Variants in LDB2 observed in about 807,000 individuals in gnomAD.
The protein encoded by LDB2 is LIM domain binding 2.
A neutral mutation model predicts 44.3 loss-of-function variants in LDB2; 12 were observed. The ratio of observed to expected loss-of-function variants is 0.27; its 90% confidence interval spans 0.17 to 0.44. The LOEUF is 0.44. Among genes scored for constraint, LDB2 ranks in the 20% least tolerant of loss-of-function variants. The pLI is 1.00. For missense variants in LDB2, 344 were observed against 473.5 expected (o/e 0.73, Z 2.54); for synonymous variants, 164 against 174.8 (o/e 0.94, Z 0.49).
intron 6 of LDB2, among the ~76,000 whole-genome samples, chr4:16,511,747 CCTCT>C (rs370773593): frequency 9.9e-5 from 15 of 152,184 alleles, no homozygotes; most frequent in African/African-American, 3.6e-4. Flanking sequence ...CGTTATTTTA[CCTCT>C]CTGAGTTGCA....
intron 1 of LDB2, among the ~76,000 whole-genome samples, chr4:16,852,492 T>C (rs1211502455): frequency 6.6e-6 from 1 of 152,184 alleles, no homozygotes; most frequent in African/African-American, 2.4e-5. Context: ...TGGAGGATCA[T>C]CTGGACAAAA....
chr4:16,651,533 T>C (rs2152525025), intron 2 of LDB2, among the ~76,000 whole-genome samples: 1 of 152,242 alleles, frequency 6.6e-6, no homozygotes, highest in Middle Eastern at 3.4e-3. Flanking sequence ...ACGGCTAGAC[T>C]GAGATGCCTC....
chr4:16,876,392 G>A (rs1334797231), intron 1 of LDB2, among the ~76,000 whole-genome samples: 1 of 152,190 alleles, frequency 6.6e-6, no homozygotes, highest in African/African-American at 2.4e-5. Flanking sequence ...ATATAAAAGA[G>A]TTACGGCAGC....
intron 1 of LDB2, among the ~76,000 whole-genome samples, chr4:16,801,530 A>C (rs1777821551): frequency 6.6e-6 from 1 of 152,190 alleles, no homozygotes; most frequent in South Asian, 2.1e-4. Flanking sequence ...ACATTTTCTT[A>C]GGAAAACACT....
At chr4:16,781,848 A>T (rs550371579) in intron 1 of LDB2, among the ~76,000 whole-genome samples, 2 of 152,240 alleles carry the variant, frequency 1.3e-5, no homozygotes, top group South Asian at 4.2e-4. Context: ...GCAGAGAGAG[A>T]CCCCCAAGCC....
chr4:16,614,797 G>A (rs555072571), intron 2 of LDB2, among the ~76,000 whole-genome samples: 8 of 151,862 alleles, frequency 5.3e-5, no homozygotes, highest in South Asian at 2.1e-4. Flanking sequence ...ACGGCCGGGC[G>A]CGGTGGCTCA....
At chr4:16,716,113 A>G (rs2152672215) in intron 2 of LDB2, among the ~76,000 whole-genome samples, 1 of 152,332 alleles carries the variant, frequency 6.6e-6, no homozygotes, top group African/African-American at 2.4e-5. Flanking sequence ...GAGAGTAACA[A>G]TCATAAAGAA....
rs369892338 is a variant in LDB2, at chr4:16,620,623, T to G, written c.236-24748A>C. On this transcript the variant is annotated intron_variant, in intron 2 of 7. Transcript: ENST00000304523. ...GGGGAATGTGGGGAGGTGAGAAGGGTGATGAAATCTTATCAGAGAGCTTGA... is the reference window on the plus strand; with the variant it reads ...GGGGAATGTGGGGAGGTGAGAAGGGGGATGAAATCTTATCAGAGAGCTTGA... 7.9e-5 allele frequency among the ~76,000 whole-genome samples: 12 copies of G among 152,260 alleles called. No individual in the cohort carries two copies. The East Asian group carries it at 2.1e-3, about 27-fold the overall frequency.
At chr4:16,534,830 A>G (rs1731228318) in intron 5 of LDB2, among the ~76,000 whole-genome samples, 1 of 152,164 alleles carries the variant, frequency 6.6e-6, no homozygotes. Context: ...CACTTTTTCC[A>G]TCATAAAGAC....
At chr4:16,745,831 A>G (rs552965747) in intron 2 of LDB2, among the ~76,000 whole-genome samples, 18 of 152,172 alleles carry the variant, frequency 1.2e-4, no homozygotes, top group African/African-American at 4.1e-4. Context: ...TCCAGGATCC[A>G]GAGTAAGACA....
chr4:16,605,776 G>A (rs928584327), intron 2 of LDB2, among the ~76,000 whole-genome samples: 2 of 152,186 alleles, frequency 1.3e-5, no homozygotes, highest in African/African-American at 4.8e-5. Context: ...TGAAGACACA[G>A]TGGGCAGATT....
chr4:16,537,978 T>C (rs1732434542), intron 5 of LDB2, among the ~76,000 whole-genome samples: 1 of 152,230 alleles, frequency 6.6e-6, no homozygotes, highest in African/African-American at 2.4e-5. Flanking sequence ...TACATTTATA[T>C]TGTACTGCTT....
At chr4:16,883,272 A>G (rs1364123026) in intron 1 of LDB2, among the ~76,000 whole-genome samples, 2 of 152,260 alleles carry the variant, frequency 1.3e-5, no homozygotes, top group African/African-American at 4.8e-5. Flanking sequence ...TCAGCAGTCC[A>G]TCTAACTGGG....
chr4:16,677,526 A>T (rs988277726), intron 2 of LDB2, among the ~76,000 whole-genome samples: 4 of 152,274 alleles, frequency 2.6e-5, no homozygotes, highest in South Asian at 4.1e-4. Flanking sequence ...CCACATTCAG[A>T]GCTTCAACCT....
intron 2 of LDB2, among the ~76,000 whole-genome samples, chr4:16,633,832 C>T (rs1203447820): frequency 1.3e-5 from 2 of 152,022 alleles, no homozygotes; most frequent in South Asian, 4.2e-4. Context: ...AGAACAAAGC[C>T]GGAGGCATCA....
chr4:16,505,830 GAC>G, intron 7 of LDB2: 1 of 1,538,512 alleles, frequency 6.5e-7, no homozygotes, highest in Non-Finnish European at 8.8e-7. Context: ...CCCGTGCAAA[GAC>G]CACCAACCTC....
chr4:16,854,146 C>T (rs1410223776), intron 1 of LDB2, among the ~76,000 whole-genome samples: 2 of 151,154 alleles, frequency 1.3e-5, no homozygotes, highest in African/African-American at 4.9e-5. Flanking sequence ...CTGCTCTTGC[C>T]AGAAAAAAAC....
chr4:16,825,106 C>G (rs1178337917), intron 1 of LDB2, among the ~76,000 whole-genome samples: 1 of 152,058 alleles, frequency 6.6e-6, no homozygotes, highest in African/African-American at 2.4e-5. Context: ...GAAAGAGAGA[C>G]CCTGAATGAT....
chr4:16,672,510 C>G (rs766995826), intron 2 of LDB2, among the ~76,000 whole-genome samples: 1 of 152,166 alleles, frequency 6.6e-6, no homozygotes, highest in African/African-American at 2.4e-5. Flanking sequence ...CCCTTACTTT[C>G]TTGTGTTCTA....
Sources: gnomAD v4.1 joint callset for allele counts (sites outside exome capture counted in the v4.1 genomes callset) on GRCh38, gnomAD v4.1.1 for gene constraint, MANE v1.5 for transcripts, NCBI Gene and HGNC (gene_info 2026-07-23, HGNC 2026-07-21) for gene names.